The following KCNMA1 variants were observed in gnomAD, a reference collection of about 807,000 sequenced individuals.
KCNMA1 encodes Calcium-activated potassium channel subunit alpha-1.
In KCNMA1, 29 loss-of-function variants were observed where a neutral mutation model predicts 140.0. That is an observed-to-expected ratio of 0.21 (90% CI 0.15 to 0.28). KCNMA1 has a LOEUF of 0.28. Ranked by LOEUF, KCNMA1 falls within the 10% of genes least tolerant of loss-of-function variation. The probability of loss-of-function intolerance (pLI) is 1.00; values close to 1 mark genes in which losing one functional copy is unlikely to be tolerated. For missense variants in KCNMA1, 880 were observed against 1,602.2 expected (o/e 0.55, Z 7.70); for synonymous variants, 612 against 611.9 (o/e 1.00, Z 0.00).
rs544257955 is a variant in KCNMA1, at chr10:77,382,994, G to GTA, written c.540+20866_540+20867dup. On this transcript the variant is annotated intron_variant, in intron 2 of 27. Coordinates refer to ENST00000286628, the MANE Select transcript of KCNMA1 (RefSeq NM_001161352.2). ...TGTGTGTGTGTGTGTGTGTGTGTGTGTATATATATATATATATATATATAT... is the reference window on the plus strand; with the variant it reads ...TGTGTGTGTGTGTGTGTGTGTGTGTGTATATATATATATATATATATATATAT... 2.8e-3 allele frequency among the ~76,000 whole-genome samples: 130 copies of GTA among 46,418 alleles called. 2 individuals carry two copies. The highest frequency in any genetic ancestry group is 0.027 in the East Asian group (58 of 2,182). The allele number at this position is 46,418 out of a possible 152,430, so 30.5% of individuals were successfully genotyped here. A position where few individuals can be genotyped will look rare whatever the true frequency, so the allele number is the denominator to read the frequency against.
intron 1 of KCNMA1, among the ~76,000 whole-genome samples, chr10:77,564,821 A>G (rs2067605785): frequency 6.6e-6 from 1 of 152,020 alleles, no homozygotes; most frequent in African/African-American, 2.4e-5. Flanking sequence ...CAGAGGGCGG[A>G]CTCTTTGGCT....
Position 77,203,989 on chromosome 10 carries a change from G to T in KCNMA1, c.603-19073C>A, listed in dbSNP as rs534144746. 5.9e-5 allele frequency among the ~76,000 whole-genome samples: 9 copies of T among 151,846 alleles called. No individual in the cohort carries two copies. The East Asian group carries it at 1.7e-3, about 29-fold the overall frequency. ...CGGGTTCCTATAATCCCAGCTACTT[G>T]GGAGACTGAGTCAGGAGAATCACTT... On this transcript the variant is annotated intron_variant, in intron 3 of 27. Coordinates refer to ENST00000286628, the MANE Select transcript of KCNMA1 (RefSeq NM_001161352.2).
At chr10:77,215,174 C>G (rs1228048719) in intron 3 of KCNMA1, among the ~76,000 whole-genome samples, 1 of 152,054 alleles carries the variant, frequency 6.6e-6, no homozygotes, top group Non-Finnish European at 1.5e-5. Flanking sequence ...TCATTGAAGC[C>G]AAACACTAGA....
intron 1 of KCNMA1, among the ~76,000 whole-genome samples, chr10:77,533,098 C>T (rs139044212): frequency 3.0e-4 from 46 of 152,302 alleles, no homozygotes; most frequent in Admixed American, 8.5e-4. Context: ...AGAGTGAATG[C>T]ATATGTATTT....
chr10:77,329,241 A>C (rs1392962464), intron 2 of KCNMA1, among the ~76,000 whole-genome samples: 5 of 152,162 alleles, frequency 3.3e-5, no homozygotes. Flanking sequence ...AAATAACACA[A>C]ATCACTTGTG....
chr10:77,258,590 AT>A (rs1400019662), intron 2 of KCNMA1, among the ~76,000 whole-genome samples: 3 of 152,180 alleles, frequency 2.0e-5, no homozygotes, highest in African/African-American at 7.2e-5. Flanking sequence ...GAAAAAGAAA[AT>A]GATTTTTTTC....
chr10:77,414,385 G>A (rs1272108756), intron 1 of KCNMA1, among the ~76,000 whole-genome samples: 1 of 152,174 alleles, frequency 6.6e-6, no homozygotes, highest in East Asian at 1.9e-4. Flanking sequence ...TGGTGCTCAG[G>A]AGATCACTGA....
At chr10:77,329,352 A>C (rs2085448927) in intron 2 of KCNMA1, among the ~76,000 whole-genome samples, 1 of 152,162 alleles carries the variant, frequency 6.6e-6, no homozygotes, top group Admixed American at 6.5e-5. Flanking sequence ...AAGCCTTTGG[A>C]AGCTAACTAG....
At chr10:77,016,083 C>T (rs1214535823) in intron 17 of KCNMA1, among the ~76,000 whole-genome samples, 1 of 152,102 alleles carries the variant, frequency 6.6e-6, no homozygotes, top group Non-Finnish European at 1.5e-5. Context: ...CTCTCTCTAA[C>T]CTCATCTCAT....
chr10:77,107,067 C>T (rs971805868), intron 9 of KCNMA1, among the ~76,000 whole-genome samples: 13 of 152,156 alleles, frequency 8.5e-5, no homozygotes, highest in Admixed American at 7.2e-4. Context: ...GCCTGGACAC[C>T]TGAGCTCAGG....
At chr10:77,174,320 T>A (rs1228197263) in intron 5 of KCNMA1, among the ~76,000 whole-genome samples, 1 of 152,204 alleles carries the variant, frequency 6.6e-6, no homozygotes, top group African/African-American at 2.4e-5. Context: ...GTCCATTCAC[T>A]CAAAATCACT....
chr10:77,445,090 G>A (rs770651951), intron 1 of KCNMA1, among the ~76,000 whole-genome samples: 15 of 152,060 alleles, frequency 9.9e-5, no homozygotes, highest in Admixed American at 2.0e-4. Flanking sequence ...GAATCCCAAC[G>A]GCAAGGACCA....
chr10:77,074,117 T>TA (rs1024631532), intron 13 of KCNMA1, among the ~76,000 whole-genome samples: 8 of 152,066 alleles, frequency 5.3e-5, no homozygotes, highest in East Asian at 3.9e-4. Context: ...GCATTTAGGC[T>TA]AAAAAAAATC....
At chr10:77,111,861 AAT>A (rs1491443452) in intron 7 of KCNMA1, among the ~76,000 whole-genome samples, 3 of 152,218 alleles carry the variant, frequency 2.0e-5, no homozygotes, top group Non-Finnish European at 4.4e-5. Context: ...GGCTTGACTT[AAT>A]ACAAGGCTTT....
intron 1 of KCNMA1, among the ~76,000 whole-genome samples, chr10:77,508,655 C>T (rs1370078262): frequency 7.4e-6 from 1 of 135,260 alleles, no homozygotes; most frequent in Non-Finnish European, 1.5e-5. Flanking sequence ...GGCATGATCT[C>T]ACTACGTTGC....
At position 76,887,510 on chromosome 10, in the gene KCNMA1, A is replaced by G. The variant is rs1280513332; in HGVS notation, c.3467T>C (p.Val1156Ala). 6.2e-7 allele frequency: 1 copy of G among 1,614,026 alleles called. No homozygotes were observed. Among genetic ancestry groups the G allele is most frequent in the African/African-American group, 1.3e-5 (1 of 74,928 alleles). Reference sequence around the variant, plus strand: ...AAACTCATAGGGCGGGTTGGTGATGACATACCTGGACAGGGAAAGCAGAGA... The same window carrying G: ...AAACTCATAGGGCGGGTTGGTGATGGCATACCTGGACAGGGAAAGCAGAGA... ...STPSQCTKRY[V>A]ITNPPYEFEL... The change falls in exon 28 of 28, where the codon GTC (valine) becomes GCC (alanine). Residue 1156 changes from valine (V) to alanine (A), a missense_variant. This residue lies in a region of KCNMA1 where 115 missense variants were observed against 139.9 expected (regional missense o/e 0.82). Transcript: ENST00000286628.
In KCNMA1 at chr10:77,262,512, C is replaced by G. The variant is rs573727969; in HGVS notation, c.541-11256G>C. Among the ~76,000 whole-genome samples the G allele has an allele frequency of 2.6e-5, 4 of 152,012 alleles. No homozygotes were observed. The South Asian group carries it at 8.3e-4, about 32-fold the overall frequency. On this transcript the variant is annotated intron_variant, in intron 2 of 27. Transcript: ENST00000286628. ...TGGTGATATGGTTTGGATGTCTTCC[C>G]TCCTCCAAATATCCTGTTGAAACAT...
At chr10:77,279,642 T>C (rs760001693) in intron 2 of KCNMA1, among the ~76,000 whole-genome samples, 6 of 152,204 alleles carry the variant, frequency 3.9e-5, no homozygotes. Context: ...CCAGGTGTCT[T>C]GATATGGTTT....
intron 23 of KCNMA1, among the ~76,000 whole-genome samples, chr10:76,935,501 C>T (rs1216458587): frequency 6.6e-6 from 1 of 152,176 alleles, no homozygotes; most frequent in East Asian, 1.9e-4. Context: ...ACCTAATTCC[C>T]CTGAATCTCT....
Sources: gnomAD v4.1 joint callset for allele counts (sites outside exome capture counted in the v4.1 genomes callset) on GRCh38, gnomAD v4.1.1 for gene constraint, gnomAD v4.1.1 regional missense constraint, MANE v1.5 for transcripts, NCBI Gene and HGNC (gene_info 2026-07-23, HGNC 2026-07-21) for gene names.